CA10: variants seen among roughly 807,000 people sequenced by gnomAD.
CA10 encodes the protein carbonic anhydrase 10 (inactive).
In CA10, 14 loss-of-function variants were observed where a neutral mutation model predicts 44.2. The observed-to-expected ratio is 0.32, with a 90% CI of 0.21 to 0.50. The LOEUF (loss-of-function observed/expected upper bound fraction) is 0.50. CA10 is among the 20% of genes least tolerant of loss of function. The probability of loss-of-function intolerance (pLI) is 0.99; values close to 1 mark genes in which losing one functional copy is unlikely to be tolerated. For synonymous variants in CA10, 159 were observed against 141.6 expected (o/e 1.12, Z -0.87); for missense variants, 350 against 409.7 (o/e 0.85, Z 1.26).
intron 3 of CA10, among the ~76,000 whole-genome samples, chr17:51,926,725 T>TA (rs1982446328): frequency 6.6e-6 from 1 of 152,308 alleles, no homozygotes; most frequent in East Asian, 1.9e-4. Context: ...CTTTTCCTTT[T>TA]AAGGACTCTA....
chr17:51,963,936 T>C (rs760079973), intron 2 of CA10, among the ~76,000 whole-genome samples: 12 of 152,016 alleles, frequency 7.9e-5, no homozygotes, highest in Non-Finnish European at 1.6e-4. Flanking sequence ...TCAATGTAAA[T>C]AGTCTAAACA....
At chr17:51,701,436 C>T (rs1567808992) in intron 4 of CA10, among the ~76,000 whole-genome samples, 1 of 152,194 alleles carries the variant, frequency 6.6e-6, no homozygotes. Flanking sequence ...AGGACTGCAA[C>T]ATAGCTTTTT....
At chr17:51,684,101 C>A (rs1334100316) in intron 4 of CA10, among the ~76,000 whole-genome samples, 2 of 152,164 alleles carry the variant, frequency 1.3e-5, no homozygotes, top group Non-Finnish European at 1.5e-5. Flanking sequence ...TAAGTGAGCA[C>A]AACATAATCA....
intron 4 of CA10, among the ~76,000 whole-genome samples, chr17:51,677,889 C>CT (rs981800106): frequency 2.8e-5 from 1 of 35,744 alleles, no homozygotes; most frequent in Admixed American, 5.8e-4. Flanking sequence ...GTATACACCC[C>CT]CCCCCCCACC....
chr17:51,825,851 A>C (rs1907987275), intron 3 of CA10, among the ~76,000 whole-genome samples: 1 of 152,230 alleles, frequency 6.6e-6, no homozygotes, highest in Admixed American at 6.5e-5. Flanking sequence ...GCTCGGACAG[A>C]CTGAACCAGT....
chr17:52,102,457 G>A (rs1354275), intron 1 of CA10, among the ~76,000 whole-genome samples: 54,319 of 152,014 alleles, frequency 0.36, 11,627 homozygotes, highest in Non-Finnish European at 0.49. Flanking sequence ...TGTTTGAATC[G>A]CAACCACAAG....
In CA10 at chr17:51,821,123, TTCCC is replaced by T. The variant is rs928344432; in HGVS notation, c.280-73309_280-73306del. Among the ~76,000 whole-genome samples, 802 of 105,650 alleles carry T rather than the reference TTCCC, an allele frequency of 7.6e-3. 33 individuals are homozygous for T. Among genetic ancestry groups the T allele is most frequent in the Non-Finnish European group, 6.1e-3 (318 of 52,424 alleles). The allele number at this position is 105,650 out of a possible 152,430, so 69.3% of individuals were successfully genotyped here. ...TTCCTTCCTTCCTTTCCTTCCTCCC[TTCCC>T]TCCCTCCCTCCCTCCCAATATTTAT... On this transcript the variant is annotated intron_variant, in intron 3 of 8. Coordinates refer to ENST00000451037, the MANE Select transcript of CA10 (RefSeq NM_020178.5).
rs750822039 is a variant in CA10 at position 51,631,586 on chromosome 17, AC to A, written c.984del (p.Lys328AsnfsTer18). ...LQYRVNEWLL[K>X] The stretch of plus-strand genomic sequence containing the variant: ...GGGATTCTTCTTGGCTTTGTTCCCT[AC>A]TTGAGGAGCCATTCATTTACTGCAA... On this transcript the variant is annotated frameshift_variant, in exon 9 of 9. Coordinates refer to ENST00000451037, the MANE Select transcript of CA10 (RefSeq NM_020178.5). LOFTEE classifies it high-confidence loss of function. 2 of 1,613,088 alleles carry A rather than the reference AC, an allele frequency of 1.2e-6. No homozygotes were observed. Among genetic ancestry groups the A allele is most frequent in the Non-Finnish European group, 1.7e-6 (2 of 1,179,180 alleles).
chr17:51,855,140 C>A (rs1268455095), intron 3 of CA10, among the ~76,000 whole-genome samples: 1 of 152,104 alleles, frequency 6.6e-6, no homozygotes, highest in Admixed American at 6.6e-5. Context: ...GTTACACTGG[C>A]AAAATTACTT....
Position 51,639,243 on chromosome 17 carries a change from C to T in CA10, c.635-3234G>A, listed in dbSNP as rs1167496288. 2.0e-5 allele frequency among the ~76,000 whole-genome samples: 3 copies of T among 152,160 alleles called. No homozygotes were observed. In the East Asian group the frequency reaches 5.8e-4, roughly 29 times the overall value. On this transcript the variant is annotated intron_variant, in intron 6 of 8. Coordinates refer to ENST00000451037, the MANE Select transcript of CA10 (RefSeq NM_020178.5). ...AATGTGATTTGTTTAACCAAGCTTG[C>T]ACGAGGAACACATTGGGTACTCTAG...
chr17:52,011,691 G>T (rs544824958), intron 2 of CA10, among the ~76,000 whole-genome samples: 7 of 151,916 alleles, frequency 4.6e-5, no homozygotes, highest in Non-Finnish European at 1.0e-4. Context: ...TGCAAGACAA[G>T]GACGGCATGT....
rs201547971 is a variant in CA10, at chr17:51,873,888, AC to A, written c.279+57101del. On this transcript the variant is annotated intron_variant, in intron 3 of 8. Transcript: ENST00000451037. ...AAACGTGTTTGTGTTCTGCAACTAG[AC>A]CCTGATTGATAAGCAGTGTTTGGGA... Among the ~76,000 whole-genome samples the A allele has an allele frequency of 3.4e-3, 522 of 152,268 alleles. 3 individuals carry two copies. The highest frequency in any genetic ancestry group is 0.012 in the African/African-American group (505 of 41,560).
At chr17:51,872,643 T>G (rs2085100131) in intron 3 of CA10, among the ~76,000 whole-genome samples, 1 of 152,188 alleles carries the variant, frequency 6.6e-6, no homozygotes, top group Non-Finnish European at 1.5e-5. Context: ...TAGAGACCAT[T>G]TACAGAGCTG....
intron 2 of CA10, among the ~76,000 whole-genome samples, chr17:52,053,243 G>A (rs1382978302): frequency 6.6e-6 from 1 of 152,028 alleles, no homozygotes; most frequent in African/African-American, 2.4e-5. Context: ...AAAGTAGGGG[G>A]CTATCATAGG....
At chr17:51,892,891 G>A (rs535840768) in intron 3 of CA10, among the ~76,000 whole-genome samples, 5 of 152,216 alleles carry the variant, frequency 3.3e-5, no homozygotes, top group Admixed American at 6.5e-5. Context: ...CTGGAACAAC[G>A]CTAGCAGCTG....
chr17:52,061,701 C>A (rs1220511698), intron 2 of CA10, among the ~76,000 whole-genome samples: 1 of 152,074 alleles, frequency 6.6e-6, no homozygotes, highest in Non-Finnish European at 1.5e-5. Flanking sequence ...CTCCTTCCTC[C>A]ATGTGAAGAA....
At position 52,102,905 on chromosome 17, in the gene CA10, T is replaced by G. The variant is rs115451464; in HGVS notation, c.62-30512A>C. Among the ~76,000 whole-genome samples the G allele has an allele frequency of 2.3e-3, 348 of 152,328 alleles. 1 individual carries two copies. Among genetic ancestry groups the G allele is most frequent in the African/African-American group, 8.0e-3 (332 of 41,586 alleles). Reference sequence around the variant, plus strand: ...TCATGTCATCCCACATATATTCTTATGTACCCTTCACCCTCTACGGAAGTC... The same window carrying G: ...TCATGTCATCCCACATATATTCTTAGGTACCCTTCACCCTCTACGGAAGTC... On this transcript the variant is annotated intron_variant, in intron 1 of 8. Coordinates refer to ENST00000451037, the MANE Select transcript of CA10 (RefSeq NM_020178.5).
At chr17:51,963,915 A>G (rs1983986021) in intron 2 of CA10, among the ~76,000 whole-genome samples, 1 of 152,152 alleles carries the variant, frequency 6.6e-6, no homozygotes. Context: ...CTTGCATATC[A>G]ATATTAACCT....
intron 1 of CA10, among the ~76,000 whole-genome samples, chr17:52,082,311 C>A (rs934330846): frequency 6.6e-6 from 1 of 152,110 alleles, no homozygotes; most frequent in Non-Finnish European, 1.5e-5. Context: ...AAGAGTGTAA[C>A]TCAATAATAG....
Sources: allele counts gnomAD v4.1 joint callset (sites outside exome capture counted in the v4.1 genomes callset), GRCh38; gene constraint gnomAD v4.1.1; transcripts MANE v1.5; gene names NCBI Gene and HGNC (gene_info 2026-07-23, HGNC 2026-07-21).